Variants in PABPN1L observed in about 807,000 individuals in gnomAD.
PABPN1L encodes the protein PABPN1 like, cytoplasmic.
In PABPN1L, 45 loss-of-function variants were observed where a neutral mutation model predicts 34.0. The observed-to-expected ratio is 1.32, with a 90% CI of 1.04 to 1.70. The LOEUF is 1.70. Among genes scored for constraint, PABPN1L ranks in the 40% most tolerant of loss-of-function variants. PABPN1L has a pLI of 0.00. For synonymous variants in PABPN1L, 182 were observed against 152.1 expected (o/e 1.20, Z -1.45); for missense variants, 459 against 367.8 (o/e 1.25, Z -2.03).
At chr16:88,868,892 C>T (rs545147266), upstream of PABPN1L, among the ~76,000 whole-genome samples, 17 of 152,154 alleles carry the variant, frequency 1.1e-4, no homozygotes, top group South Asian at 2.1e-4. Context: ...CATTCGCCTC[C>T]GGTGAGCGGA....
chr16:88,865,300 G>A (rs928762131), intron 3 of PABPN1L, among the ~76,000 whole-genome samples, 172 bp from the exon 4 acceptor site: 3 of 151,362 alleles, frequency 2.0e-5, no homozygotes, highest in South Asian at 4.2e-4. Context: ...AGGATATCTC[G>A]TATGGAGCGC....
chr16:88,866,069 A>C (rs962284916), intron 1 of PABPN1L, 128 bp from the exon 2 acceptor site: 1 of 1,386,506 alleles, frequency 7.2e-7, no homozygotes, highest in African/African-American at 1.5e-5. Flanking sequence ...GGACAGGGAC[A>C]CTCCTTCCTG....
At chr16:88,864,262 G>A (rs773701091) in exon 6 of PABPN1L, 11 of 1,543,948 alleles carry the variant, frequency 7.1e-6, no homozygotes, top group Admixed American at 5.8e-5. Context: ...GGTCTGAGCC[G>A]GGGCCTGCCC....
chr16:88,866,005 T>A lies in PABPN1L; in HGVS notation c.256-64A>T, dbSNP rs961040819. ...AGGCTCTGCTCAAGGAAGGTGGGTGTGTGGCCTGCCAGCTCCAGCAGAGGG... is the reference window on the plus strand; with the variant it reads ...AGGCTCTGCTCAAGGAAGGTGGGTGAGTGGCCTGCCAGCTCCAGCAGAGGG... On this transcript the variant is annotated intron_variant, in intron 1 of 6. Coordinates refer to ENST00000419291, the Ensembl canonical transcript of PABPN1L. 40 of 1,499,232 alleles carry A rather than the reference T, an allele frequency of 2.7e-5. No individual in the cohort carries two copies. The African/African-American group carries it at 5.3e-4, about 20-fold the overall frequency. 92.9% of individuals were successfully genotyped at this position (1,499,232 alleles called of 1,614,324 possible). A position where few individuals can be genotyped will look rare whatever the true frequency, so the allele number is the denominator to read the frequency against.
exon 2 of PABPN1L, chr16:88,865,837 C>T (rs750306987): frequency 1.6e-5 from 25 of 1,609,178 alleles, no homozygotes; most frequent in Admixed American, 3.3e-5. Flanking sequence ...GCTGCCCGGC[C>T]GCGGTGCCCT....
At position 88,865,795 on chromosome 16, in the gene PABPN1L, T is replaced by C. The variant is rs1467487814; in HGVS notation, c.391+11A>G. 4 of 1,599,274 alleles carry C rather than the reference T, an allele frequency of 2.5e-6. No homozygotes were observed. The African/African-American group carries it at 5.4e-5, about 21-fold the overall frequency. On this transcript the variant is annotated intron_variant, in intron 2 of 6. Coordinates refer to ENST00000419291, the Ensembl canonical transcript of PABPN1L. The stretch of plus-strand genomic sequence containing the variant: ...GCTCAGTGGGGGGCGGCCTGTGCCC[T>C]TGGTTCCTACCCACGGTCTCAGGGC...
At chr16:88,869,456 C>T (rs1172734616), upstream of PABPN1L, among the ~76,000 whole-genome samples, 1 of 152,264 alleles carries the variant, frequency 6.6e-6, no homozygotes, top group African/African-American at 2.4e-5. Flanking sequence ...TGTCCTCACG[C>T]CTTTCCTGCT....
At chr16:88,868,166 G>C (rs894472403), upstream of PABPN1L, among the ~76,000 whole-genome samples, 8 of 152,184 alleles carry the variant, frequency 5.3e-5, no homozygotes, top group African/African-American at 9.7e-5. Flanking sequence ...CACCCAGTCT[G>C]TTCTCACCTC....
In PABPN1L at chr16:88,864,944, A is replaced by AGGGGAGGGGC. The variant is rs752871508; in HGVS notation, c.567-14_567-5dup. ...GGCAAACTCTATGTAGGCATAACTG[A>AGGGGAGGGGC]GGGGAGGGGCAGGGAGGGGAGGGGT... On this transcript the variant is annotated splice_polypyrimidine_tract_variant and splice_region_variant and intron_variant, in intron 4 of 6. Coordinates refer to ENST00000419291, the Ensembl canonical transcript of PABPN1L. The AGGGGAGGGGC allele has an allele frequency of 1.0e-6, 1 of 993,672 alleles. No individual in the cohort carries two copies. Among genetic ancestry groups the AGGGGAGGGGC allele is most frequent in the Non-Finnish European group, 1.5e-6 (1 of 681,624 alleles). 61.6% of individuals were successfully genotyped at this position (993,672 alleles called of 1,614,324 possible).
chr16:88,867,518 C>T (rs1968627391), upstream of PABPN1L, among the ~76,000 whole-genome samples: 1 of 152,008 alleles, frequency 6.6e-6, no homozygotes, highest in African/African-American at 2.4e-5. Context: ...GGCGTGAGCA[C>T]CGCACCTGGT....
chr16:88,867,385 G>A (rs1187507245), upstream of PABPN1L, among the ~76,000 whole-genome samples: 2 of 152,056 alleles, frequency 1.3e-5, no homozygotes, highest in Non-Finnish European at 1.5e-5. Context: ...CTGCCACCAT[G>A]CCCAGCTAAT....
At chr16:88,866,398 G>A in exon 1 of PABPN1L, 1 of 1,551,130 alleles carries the variant, frequency 6.4e-7, no homozygotes, top group Non-Finnish European at 8.7e-7. Context: ...CTCCAGCAGA[G>A]ACAGCAGAAA....
intron 5 of PABPN1L, 49 bp downstream of exon 5, chr16:88,864,801 TGGG>T: frequency 6.6e-7 from 1 of 1,515,066 alleles, no homozygotes; most frequent in Non-Finnish European, 9.0e-7. Flanking sequence ...CCAGGGCCAG[TGGG>T]CCAGCCCCTC....
At chr16:88,864,001 C>A (rs563312890) in intron 6 of PABPN1L, among the ~76,000 whole-genome samples, 2 of 152,328 alleles carry the variant, frequency 1.3e-5, no homozygotes, top group Middle Eastern at 3.4e-3. Context: ...CCCCTTGGGG[C>A]AGCTGTAGCC....
chr16:88,863,737 T>C (rs1049397865), exon 7 of PABPN1L: 29 of 1,535,750 alleles, frequency 1.9e-5, no homozygotes, highest in African/African-American at 4.1e-5. Context: ...AGCCCCTCTC[T>C]CAAAATCGGG....
At chr16:88,866,211 C>T in intron 1 of PABPN1L, 141 bp downstream of exon 1, 1 of 1,368,706 alleles carries the variant, frequency 7.3e-7, no homozygotes, top group Non-Finnish European at 9.7e-7. Context: ...GGTCTCCTTG[C>T]CACCTTCGTC....
chr16:88,869,476 G>C (rs1968659037), upstream of PABPN1L, among the ~76,000 whole-genome samples: 1 of 152,230 alleles, frequency 6.6e-6, no homozygotes, highest in Admixed American at 6.5e-5. Context: ...TGTCCGTCCA[G>C]TGTTGATGAC....
At chr16:88,863,677 G>A in exon 7 of PABPN1L, 1 of 1,497,384 alleles carries the variant, frequency 6.7e-7, no homozygotes, top group Middle Eastern at 1.7e-4. Flanking sequence ...GCCACTCCCT[G>A]CCCCAGCCCC....
intron 3 of PABPN1L, 30 bp downstream of exon 3, chr16:88,865,533 G>A: frequency 6.2e-7 from 1 of 1,601,544 alleles, no homozygotes; most frequent in Non-Finnish European, 8.5e-7. Flanking sequence ...CCCATTCGCT[G>A]CCTGCCCCTT....
Sources: allele counts gnomAD v4.1 joint callset (sites outside exome capture counted in the v4.1 genomes callset), GRCh38; gene constraint gnomAD v4.1.1; transcripts MANE v1.5; gene names NCBI Gene and HGNC (gene_info 2026-07-23, HGNC 2026-07-21).